The following ABTB3 variants were observed in gnomAD, a reference collection of about 807,000 sequenced individuals.
The protein encoded by ABTB3 is ankyrin repeat- and BTB/POZ domain-containing protein 3.
chr12:107,341,678 C>T, the ABTB3 span, among the ~76,000 whole-genome samples: 2 of 152,108 alleles, frequency 1.3e-5, no homozygotes, highest in Non-Finnish European at 2.9e-5. Context: ...TGAAGTGATC[C>T]CTGAGGAGCT....
the ABTB3 span, among the ~76,000 whole-genome samples, chr12:107,344,658 T>C: frequency 1.4e-4 from 21 of 152,216 alleles, no homozygotes; most frequent in Non-Finnish European, 2.8e-4. Context: ...CATGGCCAGC[T>C]CATCACCTCC....
At chr12:107,445,830 A>G in the ABTB3 span, among the ~76,000 whole-genome samples, 2 of 146,590 alleles carry the variant, frequency 1.4e-5, no homozygotes, top group Non-Finnish European at 3.0e-5. Context: ...CTCTTCCTCC[A>G]TCTTTAAGGC....
At chr12:107,333,958 T>C in the ABTB3 span, among the ~76,000 whole-genome samples, 1 of 152,112 alleles carries the variant, frequency 6.6e-6, no homozygotes, top group Non-Finnish European at 1.5e-5. Flanking sequence ...GTGAGGGAAT[T>C]GATCATGTTG....
At chr12:107,463,985 G>T in the ABTB3 span, among the ~76,000 whole-genome samples, 2 of 152,154 alleles carry the variant, frequency 1.3e-5, no homozygotes, top group African/African-American at 4.8e-5. Flanking sequence ...AACCAACAGG[G>T]AGATACAGAT....
At chr12:107,437,703 G>A in the ABTB3 span, among the ~76,000 whole-genome samples, 2 of 152,034 alleles carry the variant, frequency 1.3e-5, no homozygotes, top group South Asian at 4.1e-4. Flanking sequence ...CACCCGGCCG[G>A]AGCCATCATG....
At chr12:107,323,116 T>A in the ABTB3 span, among the ~76,000 whole-genome samples, 1 of 152,332 alleles carries the variant, frequency 6.6e-6, no homozygotes, top group East Asian at 1.9e-4. Flanking sequence ...TTTGAGTTTC[T>A]TGAATCATCT....
the ABTB3 span, among the ~76,000 whole-genome samples, chr12:107,646,505 A>G: frequency 6.6e-6 from 1 of 152,188 alleles, no homozygotes; most frequent in African/African-American, 2.4e-5. Flanking sequence ...CCCAATCCCA[A>G]CATTTGCTGA....
At chr12:107,645,394 C>A in the ABTB3 span, among the ~76,000 whole-genome samples, 56 of 152,292 alleles carry the variant, frequency 3.7e-4, 1 homozygote, top group African/African-American at 1.3e-3. Context: ...CCATAATCCC[C>A]ACCTTACAGA....
At chr12:107,442,706 A>AG in the ABTB3 span, among the ~76,000 whole-genome samples, 2 of 152,152 alleles carry the variant, frequency 1.3e-5, no homozygotes, top group Non-Finnish European at 2.9e-5. Context: ...CTGGAGGCCC[A>AG]GGGGGACTCT....
At chr12:107,435,211 A>ATTCC in the ABTB3 span, among the ~76,000 whole-genome samples, 1 of 152,228 alleles carries the variant, frequency 6.6e-6, no homozygotes, top group African/African-American at 2.4e-5. Context: ...TGTTTATGGA[A>ATTCC]ATAGAATCAG....
the ABTB3 span, among the ~76,000 whole-genome samples, chr12:107,642,665 T>C: frequency 1.3e-5 from 2 of 152,114 alleles, no homozygotes; most frequent in African/African-American, 4.8e-5. Flanking sequence ...GAGAACAGCA[T>C]GTGCGAAGTC....
At chr12:107,610,449 C>T in the ABTB3 span, 10 of 1,458,482 alleles carry the variant, frequency 6.9e-6, no homozygotes, top group South Asian at 1.0e-4. Flanking sequence ...CCTCTGCAGG[C>T]GCTGGGCAGA....
At chr12:107,397,067 C>A in the ABTB3 span, among the ~76,000 whole-genome samples, 1 of 152,240 alleles carries the variant, frequency 6.6e-6, no homozygotes, top group Non-Finnish European at 1.5e-5. Flanking sequence ...AACCTTTGCT[C>A]TCACAGGCAA....
At chr12:107,522,983 T>G in the ABTB3 span, among the ~76,000 whole-genome samples, 1 of 152,194 alleles carries the variant, frequency 6.6e-6, no homozygotes, top group African/African-American at 2.4e-5. Context: ...TAATCCTGTA[T>G]TTACTTATGA....
the ABTB3 span, among the ~76,000 whole-genome samples, chr12:107,610,878 A>C: frequency 6.6e-6 from 1 of 152,190 alleles, no homozygotes; most frequent in Non-Finnish European, 1.5e-5. Flanking sequence ...ATGTGGGCCC[A>C]GCAGTCAGGG....
At chr12:107,561,580 G>C in the ABTB3 span, among the ~76,000 whole-genome samples, 1 of 152,216 alleles carries the variant, frequency 6.6e-6, no homozygotes, top group Non-Finnish European at 1.5e-5. Context: ...GGGGTGTACA[G>C]TCACAGTAAA....
chr12:107,441,673 C>G, the ABTB3 span, among the ~76,000 whole-genome samples: 1 of 151,226 alleles, frequency 6.6e-6, no homozygotes, highest in African/African-American at 2.4e-5. Flanking sequence ...CACAGTGGCT[C>G]ACACCTAAAA....
chr12:107,382,271 G>C, the ABTB3 span, among the ~76,000 whole-genome samples: 1 of 152,100 alleles, frequency 6.6e-6, no homozygotes, highest in African/African-American at 2.4e-5. Context: ...CCATATAGTG[G>C]GCCCAGGGGA....
At chr12:107,403,150 G>T in the ABTB3 span, among the ~76,000 whole-genome samples, 1 of 152,142 alleles carries the variant, frequency 6.6e-6, no homozygotes, top group East Asian at 1.9e-4. Context: ...TAGAGATCAC[G>T]TATATCAGTG....
Sources: gnomAD v4.1 joint callset for allele counts (sites outside exome capture counted in the v4.1 genomes callset) on GRCh38, gnomAD v4.1.1 for gene constraint, MANE v1.5 for transcripts, NCBI Gene and HGNC (gene_info 2026-07-23, HGNC 2026-07-21) for gene names.